THRB: variants seen among roughly 807,000 people sequenced by gnomAD.
THRB encodes the protein thyroid hormone receptor beta, also known as nuclear receptor subfamily 1 group A member 2.
Under a neutral mutation model 47.8 loss-of-function variants are expected in THRB, and 12 were observed. That is an observed-to-expected ratio of 0.25 (90% CI 0.16 to 0.41). THRB has a LOEUF of 0.41. Among genes scored for constraint, THRB ranks in the 10% least tolerant of loss-of-function variants. The probability of loss-of-function intolerance (pLI) is 1.00; values close to 1 mark genes in which losing one functional copy is unlikely to be tolerated. For missense variants in THRB, 348 were observed against 589.2 expected (o/e 0.59, Z 4.24); for synonymous variants, 218 against 212.2 (o/e 1.03, Z -0.24).
At chr3:24,384,112 T>C (rs2065906481) in intron 1 of THRB, among the ~76,000 whole-genome samples, 1 of 152,124 alleles carries the variant, frequency 6.6e-6, no homozygotes, top group African/African-American at 2.4e-5. Flanking sequence ...TTTCCACCTT[T>C]ATACATGGCT....
At chr3:24,300,058 C>A (rs1203045303) in intron 2 of THRB, among the ~76,000 whole-genome samples, 1 of 152,018 alleles carries the variant, frequency 6.6e-6, no homozygotes, top group Admixed American at 6.6e-5. Flanking sequence ...GTCCAGCCAA[C>A]ACAAAACAAT....
chr3:24,204,014 C>T (rs894324827), intron 4 of THRB, among the ~76,000 whole-genome samples: 2 of 152,254 alleles, frequency 1.3e-5, no homozygotes, highest in African/African-American at 4.8e-5. Context: ...CCGGGAAGCT[C>T]GAACTGGGCG....
rs79412500 is a variant in THRB, at chr3:24,411,358, G to T, written c.-260-73987C>A. On this transcript the variant is annotated intron_variant, in intron 1 of 10. Coordinates refer to ENST00000646209, the MANE Select transcript of THRB (RefSeq NM_001354712.2). ...ACTTTTCAAATTTACCATCAACATA[G>T]GTTAAGTAGGGACAGGTGAGCCAAA... 3.1e-3 allele frequency among the ~76,000 whole-genome samples: 473 copies of T among 151,776 alleles called. 1 individual carries two copies. The highest frequency in any genetic ancestry group is 0.011 in the African/African-American group (453 of 41,444).
In THRB at chr3:24,161,428, T is replaced by C. The variant is rs568332463; in HGVS notation, c.284-8938A>G. Reference sequence around the variant, plus strand: ...TTCAAGTATAGGGGAAGAATAAGGATGGGAGAGAGAGGGAGAGAAAGAGAA... The same window carrying C: ...TTCAAGTATAGGGGAAGAATAAGGACGGGAGAGAGAGGGAGAGAAAGAGAA... On this transcript the variant is annotated intron_variant, in intron 5 of 10. Transcript: ENST00000646209. Among the ~76,000 whole-genome samples the C allele has an allele frequency of 2.3e-4, 34 of 150,716 alleles. No individual in the cohort carries two copies. In the East Asian group the frequency reaches 5.8e-3, roughly 26 times the overall value.
intron 1 of THRB, among the ~76,000 whole-genome samples, chr3:24,443,858 T>C (rs972264686): frequency 3.3e-5 from 5 of 152,166 alleles, no homozygotes; most frequent in Non-Finnish European, 1.5e-5. Context: ...TCGAAGGGAA[T>C]AAATAAATTG....
At chr3:24,259,586 A>G in intron 3 of THRB, among the ~76,000 whole-genome samples, 1 of 151,398 alleles carries the variant, frequency 6.6e-6, no homozygotes. Flanking sequence ...TTTTCACAAC[A>G]AAGCACTACA....
In THRB at chr3:24,218,682, A is replaced by G. The variant is rs541218985; in HGVS notation, c.22+10256T>C. Among the ~76,000 whole-genome samples the G allele has an allele frequency of 2.9e-3, 442 of 152,118 alleles. 2 individuals carry two copies. The highest frequency in any genetic ancestry group is 9.6e-3 in the African/African-American group (400 of 41,492). ...GTTGTGCCCCAGTGCTCCAGACTCTATGTTAAGTGATTTATATAAATCTTA... is the reference window on the plus strand; with the variant it reads ...GTTGTGCCCCAGTGCTCCAGACTCTGTGTTAAGTGATTTATATAAATCTTA... On this transcript the variant is annotated intron_variant, in intron 4 of 10. Coordinates refer to ENST00000646209, the MANE Select transcript of THRB (RefSeq NM_001354712.2).
chr3:24,253,999 C>T (rs1054472366), intron 3 of THRB, among the ~76,000 whole-genome samples: 1 of 148,284 alleles, frequency 6.7e-6, no homozygotes, highest in African/African-American at 2.5e-5. Flanking sequence ...TCATTTTGAA[C>T]TGAAATCTTG....
chr3:24,456,476 T>C (rs2073182781), intron 1 of THRB, among the ~76,000 whole-genome samples: 1 of 152,068 alleles, frequency 6.6e-6, no homozygotes, highest in Admixed American at 6.5e-5. Flanking sequence ...TAGAGTTTTC[T>C]ACATGATAGT....
intron 1 of THRB, among the ~76,000 whole-genome samples, chr3:24,378,954 A>T (rs775002947): frequency 9.2e-5 from 14 of 152,082 alleles, no homozygotes; most frequent in Admixed American, 2.0e-4. Flanking sequence ...TCCAGTTTTT[A>T]AAAAAATGCC....
intron 1 of THRB, among the ~76,000 whole-genome samples, chr3:24,386,574 C>T (rs529621754): frequency 2.0e-5 from 3 of 152,256 alleles, no homozygotes; most frequent in African/African-American, 7.2e-5. Context: ...CTCTACCTTA[C>T]GTTTTAGTCA....
rs181192637 is a variant in THRB at position 24,390,825 on chromosome 3, T to A, written c.-260-53454A>T. On this transcript the variant is annotated intron_variant, in intron 1 of 10. Coordinates refer to ENST00000646209, the MANE Select transcript of THRB (RefSeq NM_001354712.2). Reference sequence around the variant, plus strand: ...ATATATATATATATAATATTATTTTTAAATTCTTGGAATTAAAAACTCATA... The same window carrying A: ...ATATATATATATATAATATTATTTTAAAATTCTTGGAATTAAAAACTCATA... Among the ~76,000 whole-genome samples, 62 of 149,620 alleles carry A rather than the reference T, an allele frequency of 4.1e-4. No homozygotes were observed. In the East Asian group the frequency reaches 4.5e-3, roughly 11 times the overall value.
intron 3 of THRB, among the ~76,000 whole-genome samples, chr3:24,242,101 A>C (rs7640649): frequency 0.035 from 5,256 of 152,202 alleles, 290 homozygotes; most frequent in African/African-American, 0.12. Flanking sequence ...CACCTCTGAG[A>C]GGTTGCCAAC....
intron 1 of THRB, among the ~76,000 whole-genome samples, chr3:24,390,868 A>G (rs1392452739): frequency 1.3e-5 from 2 of 151,524 alleles, no homozygotes; most frequent in African/African-American, 4.8e-5. Flanking sequence ...TATTGGCCCC[A>G]ATTCTCCATT....
chr3:24,355,510 G>T (rs2063619256), intron 1 of THRB, among the ~76,000 whole-genome samples: 1 of 152,106 alleles, frequency 6.6e-6, no homozygotes, highest in African/African-American at 2.4e-5. Flanking sequence ...AATTTCCTGG[G>T]TTTGATAACC....
At chr3:24,248,868 G>A (rs1390570696) in intron 3 of THRB, among the ~76,000 whole-genome samples, 1 of 152,154 alleles carries the variant, frequency 6.6e-6, no homozygotes, top group Non-Finnish European at 1.5e-5. Flanking sequence ...CCAACTCTGA[G>A]GGTGACAGCT....
chr3:24,168,490 A>AATATATATATATATAT (rs370230507), intron 5 of THRB, among the ~76,000 whole-genome samples: 9 of 137,970 alleles, frequency 6.5e-5, no homozygotes, highest in East Asian at 6.5e-4. Context: ...TTCAATCAAT[A>AATATATATATATATAT]ATATATATAT....
chr3:24,152,960 C>CA (rs746418494), intron 5 of THRB, among the ~76,000 whole-genome samples: 9 of 86,932 alleles, frequency 1.0e-4, no homozygotes, highest in South Asian at 3.6e-4. Flanking sequence ...GAAATTCTGC[C>CA]AAAAAAAAAA....
intron 4 of THRB, 44 bp from the exon 5 acceptor site, chr3:24,190,378 C>A (rs1044074581): frequency 6.2e-7 from 1 of 1,613,458 alleles, no homozygotes; most frequent in South Asian, 1.1e-5. Context: ...TTGGCATTGT[C>A]AAGATTTTGC....
Sources: gnomAD v4.1 joint callset for allele counts (sites outside exome capture counted in the v4.1 genomes callset) on GRCh38, gnomAD v4.1.1 for gene constraint, MANE v1.5 for transcripts, NCBI Gene and HGNC (gene_info 2026-07-23, HGNC 2026-07-21) for gene names.